Variants in SEPTIN8 observed in about 807,000 individuals in gnomAD.
SEPTIN8 encodes the protein septin 8.
In SEPTIN8, 22 loss-of-function variants were observed where a neutral mutation model predicts 53.1. The observed-to-expected ratio is 0.41, with a 90% CI of 0.30 to 0.59. The LOEUF is 0.59. SEPTIN8 is among the 20% of genes least tolerant of loss of function. The probability of loss-of-function intolerance (pLI) is 0.24; values close to 1 mark genes in which losing one functional copy is unlikely to be tolerated. For synonymous variants in SEPTIN8, 228 were observed against 248.4 expected, an observed-to-expected ratio of 0.92 and a Z score of 0.77; for missense variants, 536 against 638.7, an observed-to-expected ratio of 0.84 and a Z score of 1.73.
At chr5:132,771,737 G>A (rs10520112) in intron 1 of SEPTIN8, among the ~76,000 whole-genome samples, 1,859 of 152,238 alleles carry the variant, frequency 0.012, 36 homozygotes, top group African/African-American at 0.043. Context: ...CCGTGGTCGC[G>A]GTCATAAGCA....
intron 9 of SEPTIN8, chr5:132,756,786 T>C (rs1755382158): frequency 1.0e-6 from 1 of 985,420 alleles, no homozygotes; most frequent in Non-Finnish European, 1.2e-6. Flanking sequence ...TCAGTATGCC[T>C]GGGGTGCGAC....
At chr5:132,762,717 G>C (rs1392140834) in intron 4 of SEPTIN8, 72 bp from the exon 5 acceptor site, 1 of 1,519,374 alleles carries the variant, frequency 6.6e-7, no homozygotes, top group Admixed American at 1.7e-5. Context: ...CCATGCCCAG[G>C]ATATGGATAG....
chr5:132,750,979 G>A lies in SEPTIN8; in HGVS notation c.*1037C>T, dbSNP rs111822821. On this transcript the variant is annotated 3_prime_UTR_variant, in exon 10 of 10. Coordinates refer to ENST00000378719, the MANE Select transcript of SEPTIN8 (RefSeq NM_001098811.2). Reference sequence around the variant, plus strand: ...ACTGGGACCTCTATATTGGGACGCCGCTGGACTTCTTGACTATAGTGAGTA... The same window carrying A: ...ACTGGGACCTCTATATTGGGACGCCACTGGACTTCTTGACTATAGTGAGTA... The A allele has an allele frequency of 4.1e-3, 6,688 of 1,613,990 alleles. 26 individuals carry two copies. The highest frequency in any genetic ancestry group is 5.2e-3 in the Non-Finnish European group (6,103 of 1,179,974).
Position 132,751,826 on chromosome 5 carries a change from C to T in SEPTIN8, c.*190G>A, listed in dbSNP as rs1754867521. 8.7e-6 allele frequency: 9 copies of T among 1,040,258 alleles called. No homozygotes were observed. Among genetic ancestry groups the T allele is most frequent in the Non-Finnish European group, 1.2e-5 (9 of 724,500 alleles). The allele number at this position is 1,040,258 out of a possible 1,614,324, so 64.4% of individuals were successfully genotyped here. A position where few individuals can be genotyped will look rare whatever the true frequency, so the allele number is the denominator to read the frequency against. Reference sequence around the variant, plus strand: ...TGGGCATTAAGCCTCAAGCCCCTTACGGAGCCATGGATAGGAATGAAAAGG... The same window carrying T: ...TGGGCATTAAGCCTCAAGCCCCTTATGGAGCCATGGATAGGAATGAAAAGG... On this transcript the variant is annotated 3_prime_UTR_variant, in exon 10 of 10. Coordinates refer to ENST00000378719, the MANE Select transcript of SEPTIN8 (RefSeq NM_001098811.2).
At chr5:132,756,085 TA>T (rs1435791977) in intron 9 of SEPTIN8, 14 of 984,702 alleles carry the variant, frequency 1.4e-5, no homozygotes, top group Middle Eastern at 1.0e-3. Flanking sequence ...AATGCAGGAG[TA>T]AATGAATTAA....
chr5:132,774,585 G>C (rs1757619504), intron 1 of SEPTIN8, among the ~76,000 whole-genome samples: 1 of 152,230 alleles, frequency 6.6e-6, no homozygotes. Flanking sequence ...GCAGAGCCCA[G>C]TCAGGATGCC....
Position 132,750,839 on chromosome 5 carries a change from T to C in SEPTIN8, c.*1177A>G. Reference sequence around the variant, plus strand: ...TGACATGATGTAGGGCTTTGGCCTCTTTATTTTCTTTTTACAGTTTATTCC... The same window carrying C: ...TGACATGATGTAGGGCTTTGGCCTCCTTATTTTCTTTTTACAGTTTATTCC... On this transcript the variant is annotated 3_prime_UTR_variant, in exon 10 of 10. Transcript: ENST00000378719. 5.0e-6 allele frequency: 8 copies of C among 1,612,224 alleles called. No homozygotes were observed. The highest frequency in any genetic ancestry group is 1.7e-4 in the Middle Eastern group (1 of 6,012).
chr5:132,752,067 C>T lies in SEPTIN8; in HGVS notation c.1401G>A (p.Gln467=). ...CATCCCTGACCAGGCAGCTGCAGCA[C>T]TGTATGGCGGGCCACCAGCTGCTGC... ...LNCSSWWPAI[Q]CCSCLVRDAT... The change falls in exon 10 of 10, where the codon CAG becomes CAA. Residue 467 remains glutamine, a synonymous_variant. Transcript: ENST00000378719. 1 of 1,609,304 alleles carries T rather than the reference C, an allele frequency of 6.2e-7. No individual in the cohort carries two copies. Among genetic ancestry groups the T allele is most frequent in the South Asian group, 1.1e-5 (1 of 89,496 alleles).
rs1756256902 is a variant in SEPTIN8 at position 132,763,787 on chromosome 5, G to A, written c.453C>T (p.His151=). 6 of 1,613,910 alleles carry A rather than the reference G, an allele frequency of 3.7e-6. No homozygotes were observed. Among genetic ancestry groups the A allele is most frequent in the Middle Eastern group, 1.7e-4 (1 of 6,058 alleles). ...TGGGCGTGATGAAGTAGAGGCAAAC[G>A]TGGATCCTTGTGTCATGGTAGTCGA... ...SLFDYHDTRI[H]VCLYFITPTG... Residue 151 remains histidine, a synonymous_variant, in exon 4 of 10, where the codon CAC becomes CAT. Transcript: ENST00000378719.
rs1397107516 is a variant in SEPTIN8, at chr5:132,758,627, G to A, written c.1286+2175C>T. 1.9e-6 allele frequency: 3 copies of A among 1,595,960 alleles called. No homozygotes were observed. The South Asian group carries it at 3.4e-5, about 18-fold the overall frequency. Reference sequence around the variant, plus strand: ...CTTTTACGTGTTTGCATAGAGAGGGGTGGCCCGCCAGGCCCGGGGCAGCCT... The same window carrying A: ...CTTTTACGTGTTTGCATAGAGAGGGATGGCCCGCCAGGCCCGGGGCAGCCT... On this transcript the variant is annotated intron_variant, in intron 9 of 9. Transcript: ENST00000378719.
In SEPTIN8 at chr5:132,761,054, G is replaced by A; in HGVS notation, c.1096-62C>T. 1.2e-6 allele frequency: 2 copies of A among 1,602,588 alleles called. No homozygotes were observed. The highest frequency in any genetic ancestry group is 1.7e-6 in the Non-Finnish European group (2 of 1,173,528). Reference sequence around the variant, plus strand: ...AGAGGAGGGCTTGAGCCTGGGCCAGGAAGGCACCCCCACCTCTACCCTCAG... The same window carrying A: ...AGAGGAGGGCTTGAGCCTGGGCCAGAAAGGCACCCCCACCTCTACCCTCAG... On this transcript the variant is annotated intron_variant, in intron 8 of 9. Coordinates refer to ENST00000378719, the MANE Select transcript of SEPTIN8 (RefSeq NM_001098811.2). The surrounding 1 kb of genome is among the most constrained non-coding windows in gnomAD (Gnocchi z 5.8).
At chr5:132,762,254 C>T (rs1007416326) in intron 5 of SEPTIN8, among the ~76,000 whole-genome samples, 1 of 152,192 alleles carries the variant, frequency 6.6e-6, no homozygotes, top group African/African-American at 2.4e-5. Context: ...TCCATGAGTC[C>T]AGATCTTATG....
At chr5:132,766,707 A>C (rs1561761585) in intron 1 of SEPTIN8, among the ~76,000 whole-genome samples, 1 of 152,162 alleles carries the variant, frequency 6.6e-6, no homozygotes, top group Non-Finnish European at 1.5e-5. Context: ...GGTCCAGCTA[A>C]GGACAGCCCA....
chr5:132,767,943 CCACACACACACACACACA>C (rs57640097), intron 1 of SEPTIN8, among the ~76,000 whole-genome samples: 3 of 127,908 alleles, frequency 2.3e-5, no homozygotes, highest in Non-Finnish European at 4.9e-5. Context: ...TGTCTGGAAA[CCACACACACACACACACA>C]CACACACACA....
At chr5:132,770,011 A>G (rs1224720928) in intron 1 of SEPTIN8, among the ~76,000 whole-genome samples, 4 of 55,232 alleles carry the variant, frequency 7.2e-5, no homozygotes, top group Non-Finnish European at 1.3e-4. Context: ...ATATATATAT[A>G]TATATATATA....
intron 9 of SEPTIN8, among the ~76,000 whole-genome samples, chr5:132,755,742 T>TAAAG (rs1301240715): frequency 3.9e-5 from 6 of 152,186 alleles, no homozygotes; most frequent in African/African-American, 1.4e-4. Context: ...AGTTAACCAA[T>TAAAG]AAAGATTCAT....
At chr5:132,753,702 T>G (rs1032949904) in intron 9 of SEPTIN8, 16 of 152,390 alleles carry the variant, frequency 1.0e-4, no homozygotes, top group African/African-American at 3.9e-4. Context: ...CTAACACCTG[T>G]GATGGGAGGC....
chr5:132,774,438 G>A (rs1171094037), intron 1 of SEPTIN8, among the ~76,000 whole-genome samples: 1 of 152,242 alleles, frequency 6.6e-6, no homozygotes, highest in Non-Finnish European at 1.5e-5. Flanking sequence ...CCAGTTAGGA[G>A]GAGGGGCACA....
chr5:132,761,235 C>T lies in SEPTIN8; in HGVS notation c.993G>A (p.Lys331=). ...TCCTCTGCAGCTCACTTAGGAACTC[C>T]TTCCTCTTGGCCTCGTATGTCTCTT... ...SLQETYEAKR[K]EFLSELQRKE... is the part of the protein sequence containing the mutation. Residue 331 remains lysine, a synonymous_variant, in exon 8 of 10, where the codon AAG becomes AAA. Transcript: ENST00000378719. The surrounding 1 kb of genome is among the most constrained non-coding windows in gnomAD (Gnocchi z 5.8). 6.2e-7 allele frequency: 1 copy of T among 1,614,144 alleles called. No homozygotes were observed. Among genetic ancestry groups the T allele is most frequent in the African/African-American group, 1.3e-5 (1 of 75,052 alleles).
Sources: gnomAD v4.1 joint callset for allele counts (sites outside exome capture counted in the v4.1 genomes callset) on GRCh38, gnomAD v4.1.1 for gene constraint, Gnocchi (gnomAD v3.1) non-coding constraint, MANE v1.5 for transcripts, NCBI Gene and HGNC (gene_info 2026-07-23, HGNC 2026-07-21) for gene names.